Variants in RFWD3 observed in about 807,000 individuals in gnomAD.
RFWD3 encodes E3 ubiquitin-protein ligase RFWD3.
In RFWD3, 65 loss-of-function variants were observed where a neutral mutation model predicts 87.7. That is an observed-to-expected ratio of 0.74 (90% CI 0.61 to 0.91). RFWD3 has a LOEUF of 0.91. Among genes scored for constraint, RFWD3 ranks in the 40% least tolerant of loss-of-function variants. The probability of loss-of-function intolerance (pLI) is 0.00; values close to 1 mark genes in which losing one functional copy is unlikely to be tolerated. For missense variants in RFWD3, 1,078 were observed against 938.5 expected, an observed-to-expected ratio of 1.15 and a Z score of -1.94; for synonymous variants, 433 against 352.8, an observed-to-expected ratio of 1.23 and a Z score of -2.55.
chr16:74,663,867 C>A (rs1961663898), intron 1 of RFWD3, among the ~76,000 whole-genome samples: 1 of 152,054 alleles, frequency 6.6e-6, no homozygotes, highest in African/African-American at 2.4e-5. Context: ...AACCAGGTAC[C>A]ACAAAAGGCA....
chr16:74,630,904 C>T lies in RFWD3; in HGVS notation c.1631G>A (p.Ser544Asn). ...QTYNAGRPVW[S>N]CCWCLDEANY... ...AGCCTCATCAAGACACCAGCAACAGCTCCAGACAGGACGTCCAGCATTATA... is the reference window on the plus strand; with the variant it reads ...AGCCTCATCAAGACACCAGCAACAGTTCCAGACAGGACGTCCAGCATTATA... The change falls in exon 10 of 13, where the codon AGC becomes AAC. Residue 544 changes from serine to asparagine, a missense_variant. Transcript: ENST00000361070. The T allele has an allele frequency of 1.2e-6, 2 of 1,614,068 alleles. No individual in the cohort carries two copies. Among genetic ancestry groups the T allele is most frequent in the Non-Finnish European group, 1.7e-6 (2 of 1,179,958 alleles).
At chr16:74,626,638 C>A in intron 11 of RFWD3, 84 bp from the exon 12 acceptor site, 2 of 1,061,242 alleles carry the variant, frequency 1.9e-6, no homozygotes, top group Non-Finnish European at 2.8e-6. Context: ...ACGCTTACAA[C>A]CTAGTTGGAT....
intron 2 of RFWD3, among the ~76,000 whole-genome samples, chr16:74,655,718 T>C (rs1960925959): frequency 6.6e-6 from 1 of 150,806 alleles, no homozygotes; most frequent in African/African-American, 2.4e-5. Context: ...GGAGACGGGG[T>C]TTCACCGTGT....
At chr16:74,632,243 T>G (rs534438760) in intron 9 of RFWD3, among the ~76,000 whole-genome samples, 1 of 151,884 alleles carries the variant, frequency 6.6e-6, no homozygotes, top group Admixed American at 6.6e-5. Flanking sequence ...ATAGAAAATA[T>G]TAGCCAGGCA....
At chr16:74,654,701 T>C (rs1254445720) in intron 2 of RFWD3, among the ~76,000 whole-genome samples, 1 of 152,150 alleles carries the variant, frequency 6.6e-6, no homozygotes, top group Non-Finnish European at 1.5e-5. Flanking sequence ...GCCAGGCCTT[T>C]TGCACCAAAC....
Position 74,636,363 on chromosome 16 carries a change from T to C in RFWD3, c.1409A>G (p.Gln470Arg). The stretch of plus-strand genomic sequence containing the variant: ...CTCTTTACCTGGAAGAAAAGAGGCC[T>C]GAGGAGAAGGCTGTGATATCACCAG... The part of the protein sequence containing the change: ...SCLVISQPSP[Q>R]ASFLPGFGVK... The change falls in exon 8 of 13, where the codon CAG becomes CGG. Residue 470 changes from glutamine (Q) to arginine (R), a missense_variant. Physicochemically the swap from Gln to Arg is conservative, Grantham distance 43. Coordinates refer to ENST00000361070, the MANE Select transcript of RFWD3 (RefSeq NM_018124.4). 6.2e-7 allele frequency: 1 copy of C among 1,614,068 alleles called. No individual in the cohort carries two copies. The highest frequency in any genetic ancestry group is 8.5e-7 in the Non-Finnish European group (1 of 1,179,952).
chr16:74,639,407 G>C (rs180683448), intron 6 of RFWD3, among the ~76,000 whole-genome samples: 16 of 152,252 alleles, frequency 1.1e-4, no homozygotes, highest in African/African-American at 3.4e-4. Flanking sequence ...TAATCTTATG[G>C]GGCCACCATC....
chr16:74,663,306 G>C (rs1347747640), intron 1 of RFWD3, among the ~76,000 whole-genome samples: 1 of 152,144 alleles, frequency 6.6e-6, no homozygotes, highest in Non-Finnish European at 1.5e-5. Context: ...ACTGTTAAAA[G>C]TACAACAGAG....
At chr16:74,647,210 G>A (rs896443937) in intron 4 of RFWD3, among the ~76,000 whole-genome samples, 2 of 152,112 alleles carry the variant, frequency 1.3e-5, no homozygotes, top group Non-Finnish European at 2.9e-5. Flanking sequence ...TGCAAAAAAT[G>A]TTAAATGATG....
intron 2 of RFWD3, among the ~76,000 whole-genome samples, chr16:74,656,383 TTTTA>T (rs1199519985): frequency 1.3e-5 from 2 of 151,962 alleles, no homozygotes; most frequent in Non-Finnish European, 2.9e-5. Context: ...GAAAAGCTTT[TTTTA>T]TTTTATTTTT....
At chr16:74,651,788 A>G (rs1050263353) in intron 3 of RFWD3, 132 bp downstream of exon 3, 8 of 779,986 alleles carry the variant, frequency 1.0e-5, no homozygotes, top group East Asian at 2.4e-5. Flanking sequence ...GCTCTATACT[A>G]TAAAACAGGA....
chr16:74,661,812 A>C (rs1961463182), intron 1 of RFWD3, among the ~76,000 whole-genome samples: 1 of 152,220 alleles, frequency 6.6e-6, no homozygotes, highest in Non-Finnish European at 1.5e-5. Context: ...ACATTCACCA[A>C]AATCAAATGC....
At chr16:74,654,180 A>G (rs1285720587) in intron 2 of RFWD3, among the ~76,000 whole-genome samples, 2 of 151,874 alleles carry the variant, frequency 1.3e-5, no homozygotes, top group East Asian at 3.8e-4. Flanking sequence ...TTCATTCTTC[A>G]TTTTAGTATT....
rs375788482 is a variant in RFWD3, at chr16:74,647,822, C to A, written c.792+1310G>T. ...GGCCAGGCTGGTCTTGAACTCCTGA[C>A]CTCAGGTGATCCGCCCGCCTTGGCC... On this transcript the variant is annotated intron_variant, in intron 4 of 12. Coordinates refer to ENST00000361070, the MANE Select transcript of RFWD3 (RefSeq NM_018124.4). 4.5e-4 allele frequency among the ~76,000 whole-genome samples: 68 copies of A among 152,204 alleles called. 1 individual carries two copies. In the South Asian group the frequency reaches 0.014, roughly 31 times the overall value.
rs56890104 is a variant in RFWD3 at position 74,666,845 on chromosome 16, G to GCCGAAGACTCGATAGTTACCTCC, written c.-63_-62insGGAGGTAACTATCGAGTCTTCGG. 2.4e-3 allele frequency: 369 copies of GCCGAAGACTCGATAGTTACCTCC among 150,974 alleles called. 3 individuals carry two copies. The highest frequency in any genetic ancestry group is 8.4e-3 in the African/African-American group (346 of 41,172). 9.4% of individuals were successfully genotyped at this position (150,974 alleles called of 1,614,324 possible). A position where few individuals can be genotyped will look rare whatever the true frequency, so the allele number is the denominator to read the frequency against. ...CCGCCGAAGACTCGGTAGTTACCTC[G>GCCGAAGACTCGATAGTTACCTCC]GCCGCACTCCGAATGCACCTACGCC... On this transcript the variant is annotated 5_prime_UTR_variant, in exon 1 of 13. Coordinates refer to ENST00000361070, the MANE Select transcript of RFWD3 (RefSeq NM_018124.4).
At position 74,660,941 on chromosome 16, in the gene RFWD3, T is replaced by C. The variant is rs772372251; in HGVS notation, c.509A>G (p.Asp170Gly). ...RARAGGSQRT[D>G]SARLRAPLDA... ...CCATATATTTATTTACCTGGCACTG[T>C]CTGTCCTCTGAGACCCTCCGGCTCT... Residue 170 changes from aspartate (D) to glycine (G), a missense_variant, in exon 2 of 13, where the codon GAC (aspartate) becomes GGC (glycine). Physicochemically the swap from Asp to Gly is moderately conservative, Grantham distance 94. Coordinates refer to ENST00000361070, the MANE Select transcript of RFWD3 (RefSeq NM_018124.4). The C allele has an allele frequency of 2.5e-6, 4 of 1,612,742 alleles. No homozygotes were observed. Among genetic ancestry groups the C allele is most frequent in the Non-Finnish European group, 2.5e-6 (3 of 1,178,878 alleles).
chr16:74,658,263 T>G (rs1234662465), intron 2 of RFWD3, among the ~76,000 whole-genome samples: 1 of 152,174 alleles, frequency 6.6e-6, no homozygotes, highest in Non-Finnish European at 1.5e-5. Flanking sequence ...AAGTTTAGTC[T>G]CTCACACAGA....
At position 74,637,937 on chromosome 16, in the gene RFWD3, C is replaced by T; in HGVS notation, c.1113G>A (p.Gln371=). The T allele has an allele frequency of 1.9e-6, 3 of 1,612,186 alleles. No individual in the cohort carries two copies. Among genetic ancestry groups the T allele is most frequent in the Non-Finnish European group, 2.5e-6 (3 of 1,179,704 alleles). Residue 371 remains glutamine (Q), a synonymous_variant, in exon 7 of 13, where the codon CAG becomes CAA. Coordinates refer to ENST00000361070, the MANE Select transcript of RFWD3 (RefSeq NM_018124.4). The stretch of plus-strand genomic sequence containing the variant: ...GGCACTGTGCTGATTCTAACTCGGC[C>T]TGTTTCCTTAGCATCTGTTCCTTCA... ...SLLKEQMLRK[Q]AELESAQCRL...
intron 8 of RFWD3, among the ~76,000 whole-genome samples, chr16:74,634,405 G>A (rs900411758): frequency 6.6e-6 from 1 of 151,234 alleles, no homozygotes; most frequent in African/African-American, 2.4e-5. Flanking sequence ...TATATTTTGA[G>A]ACAAGGCCTC....
Sources: allele counts gnomAD v4.1 joint callset (sites outside exome capture counted in the v4.1 genomes callset), GRCh38; gene constraint gnomAD v4.1.1; transcripts MANE v1.5; gene names NCBI Gene and HGNC (gene_info 2026-07-23, HGNC 2026-07-21).